Variants in ZBTB7C observed in about 807,000 individuals in gnomAD.
ZBTB7C encodes the protein zinc finger and BTB domain-containing protein 7C.
ZBTB7C carries 8 observed loss-of-function variants against 25.7 expected under a neutral mutation model. The ratio of observed to expected loss-of-function variants is 0.31; its 90% CI spans 0.18 to 0.56. The LOEUF is 0.56. ZBTB7C is among the 20% of genes least tolerant of loss of function. The pLI, the probability that ZBTB7C is intolerant of heterozygous loss-of-function variation, is 0.91. For synonymous variants in ZBTB7C, 394 were observed against 369.0 expected, an observed-to-expected ratio of 1.07 and a Z score of -0.78; for missense variants, 824 against 855.2, an observed-to-expected ratio of 0.96 and a Z score of 0.46.
At chr18:48,288,364 G>A (rs1008400368) in intron 2 of ZBTB7C, among the ~76,000 whole-genome samples, 1 of 152,140 alleles carries the variant, frequency 6.6e-6, no homozygotes, top group Non-Finnish European at 1.5e-5. Flanking sequence ...AAACTGCTCA[G>A]AGGGCTGGGC....
intron 1 of ZBTB7C, among the ~76,000 whole-genome samples, chr18:48,399,738 TA>T (rs2048116431): frequency 6.6e-6 from 1 of 152,208 alleles, no homozygotes; most frequent in African/African-American, 2.4e-5. Flanking sequence ...AGACACTCCA[TA>T]AAAGGAAAGA....
intron 3 of ZBTB7C, among the ~76,000 whole-genome samples, chr18:48,080,536 C>G (rs1391025554): frequency 6.6e-6 from 1 of 152,212 alleles, no homozygotes; most frequent in Admixed American, 6.5e-5. Flanking sequence ...CCATCTAACC[C>G]GTCAAGCTGC....
chr18:48,410,829 T>C (rs750969096), upstream of ZBTB7C: 3 of 152,230 alleles, frequency 2.0e-5, no homozygotes, highest in Non-Finnish European at 4.4e-5. Flanking sequence ...CTCAAACTCC[T>C]ACCCGGCTGC....
At chr18:48,392,823 C>T (rs537026315) in intron 1 of ZBTB7C, among the ~76,000 whole-genome samples, 3 of 152,298 alleles carry the variant, frequency 2.0e-5, no homozygotes, top group Non-Finnish European at 2.9e-5. Context: ...TTTCTGACCT[C>T]TTCCTCCAAT....
intron 3 of ZBTB7C, among the ~76,000 whole-genome samples, chr18:48,141,674 C>T (rs191076311): frequency 2.6e-5 from 4 of 152,314 alleles, no homozygotes; most frequent in Admixed American, 2.6e-4. Flanking sequence ...GAACATTTCA[C>T]ACCGCATTTA....
At chr18:48,245,202 T>C (rs1477901882) in intron 2 of ZBTB7C, among the ~76,000 whole-genome samples, 1 of 151,448 alleles carries the variant, frequency 6.6e-6, no homozygotes, top group Non-Finnish European at 1.5e-5. Flanking sequence ...AGACCATTAT[T>C]GTAAGTGAAG....
At chr18:48,228,010 G>C (rs2043149408) in intron 2 of ZBTB7C, among the ~76,000 whole-genome samples, 1 of 152,144 alleles carries the variant, frequency 6.6e-6, no homozygotes, top group Non-Finnish European at 1.5e-5. Context: ...GGGCATCAAA[G>C]AGAGAGAGGT....
intron 3 of ZBTB7C, among the ~76,000 whole-genome samples, chr18:48,119,704 G>A (rs2039563150): frequency 6.6e-6 from 1 of 152,194 alleles, no homozygotes; most frequent in South Asian, 2.1e-4. Context: ...CATCCTGGGT[G>A]CCTGGCAAAT....
At chr18:48,287,075 A>G (rs899467796) in intron 2 of ZBTB7C, among the ~76,000 whole-genome samples, 2 of 152,212 alleles carry the variant, frequency 1.3e-5, no homozygotes, top group Non-Finnish European at 2.9e-5. Flanking sequence ...CCAAAGAGTA[A>G]AACAGTCCAT....
At chr18:48,353,669 G>C (rs1475671996) in intron 1 of ZBTB7C, among the ~76,000 whole-genome samples, 1 of 152,214 alleles carries the variant, frequency 6.6e-6, no homozygotes, top group African/African-American at 2.4e-5. Context: ...GCCTTTCTGG[G>C]GGTGGCGGGG....
At chr18:48,119,249 C>T (rs967525148) in intron 3 of ZBTB7C, among the ~76,000 whole-genome samples, 2 of 152,226 alleles carry the variant, frequency 1.3e-5, no homozygotes, top group African/African-American at 4.8e-5. Flanking sequence ...TTGTTTGCAT[C>T]CAGGTTGATG....
chr18:48,063,243 T>C (rs1405932677), intron 3 of ZBTB7C, among the ~76,000 whole-genome samples: 2 of 152,172 alleles, frequency 1.3e-5, no homozygotes, highest in Non-Finnish European at 2.9e-5. Flanking sequence ...GCACCACCCA[T>C]CTCCGCTGCC....
intron 2 of ZBTB7C, among the ~76,000 whole-genome samples, chr18:48,198,163 G>A (rs991455304): frequency 1.3e-5 from 2 of 152,088 alleles, no homozygotes; most frequent in African/African-American, 4.8e-5. Flanking sequence ...TGACTTCCAG[G>A]TCTGTTAAAA....
At chr18:48,363,933 G>A (rs1202735858) in intron 1 of ZBTB7C, among the ~76,000 whole-genome samples, 2 of 151,770 alleles carry the variant, frequency 1.3e-5, no homozygotes, top group Non-Finnish European at 2.9e-5. Flanking sequence ...CCTCCCAGAT[G>A]AAGGGTACCC....
At chr18:48,209,618 T>C (rs189913817) in intron 2 of ZBTB7C, among the ~76,000 whole-genome samples, 4 of 152,214 alleles carry the variant, frequency 2.6e-5, no homozygotes, top group Admixed American at 2.6e-4. Flanking sequence ...TAACCGGGCA[T>C]GGTGGGTCAC....
At chr18:48,367,214 C>T (rs1203133634) in intron 1 of ZBTB7C, among the ~76,000 whole-genome samples, 703 of 64,022 alleles carry the variant, frequency 0.011, 4 homozygotes, top group Non-Finnish European at 0.016. Flanking sequence ...CACACACACA[C>T]ACACACACAC....
chr18:48,201,407 C>T lies in ZBTB7C; in HGVS notation c.-78-15412G>A, dbSNP rs528771828. ...TTCTTTGTATCTTTATAAACTTGAT[C>T]GGGGCTCCTCTGATGTCCATTCCTG... On this transcript the variant is annotated intron_variant, in intron 2 of 4. Transcript: ENST00000590800. Among the ~76,000 whole-genome samples, 4 of 152,274 alleles carry T rather than the reference C, an allele frequency of 2.6e-5. No individual in the cohort carries two copies. The East Asian group carries it at 5.8e-4, about 22-fold the overall frequency.
chr18:48,411,250 CTAAG>C (rs141253843), upstream of ZBTB7C, among the ~76,000 whole-genome samples: 21,468 of 152,030 alleles, frequency 0.14, 1,799 homozygotes, highest in Admixed American at 0.2. Flanking sequence ...GTTTTTCCTA[CTAAG>C]TAAATTTCAC....
intron 1 of ZBTB7C, among the ~76,000 whole-genome samples, chr18:48,383,569 A>G: frequency 6.6e-6 from 1 of 152,220 alleles, no homozygotes; most frequent in East Asian, 1.9e-4. Context: ...TGCCTGGCCA[A>G]GTGCAATCTT....
Sources: gnomAD v4.1 joint callset for allele counts (sites outside exome capture counted in the v4.1 genomes callset) on GRCh38, gnomAD v4.1.1 for gene constraint, MANE v1.5 for transcripts, NCBI Gene and HGNC (gene_info 2026-07-23, HGNC 2026-07-21) for gene names.